ROCK2: variants seen among roughly 807,000 people sequenced by gnomAD.
The protein encoded by ROCK2 is Rho associated coiled-coil containing protein kinase 2.
In ROCK2, 61 loss-of-function variants were observed where a neutral mutation model predicts 195.1. That is an observed-to-expected ratio of 0.31 (90% confidence interval 0.25 to 0.39). The LOEUF (loss-of-function observed/expected upper bound fraction) is 0.39. Among genes scored for constraint, ROCK2 ranks in the 10% least tolerant of loss-of-function variants. ROCK2 has a pLI of 1.00. For missense variants in ROCK2, 1,109 were observed against 1,637.4 expected, an observed-to-expected ratio of 0.68 and a Z score of 5.57; for synonymous variants, 504 against 545.5, an observed-to-expected ratio of 0.92 and a Z score of 1.06.
chr2:11,334,653 G>A (rs891145369), intron 1 of ROCK2, among the ~76,000 whole-genome samples: 12 of 139,618 alleles, frequency 8.6e-5, no homozygotes, highest in African/African-American at 2.9e-4. Flanking sequence ...CATATATGAA[G>A]GCAATGCTTA....
At chr2:11,257,689 C>T (rs993328719) in intron 3 of ROCK2, among the ~76,000 whole-genome samples, 1 of 151,234 alleles carries the variant, frequency 6.6e-6, no homozygotes, top group Non-Finnish European at 1.5e-5. Flanking sequence ...GAGATGGCGG[C>T]CCATGGGAAG....
chr2:11,255,928 CAAAAAAA>C (rs57678031), intron 3 of ROCK2, among the ~76,000 whole-genome samples: 15 of 33,060 alleles, frequency 4.5e-4, no homozygotes, highest in East Asian at 9.4e-4. Context: ...GACTCCATCT[CAAAAAAA>C]AAAAAAAAAA....
chr2:11,298,176 C>T (rs1387784380), intron 1 of ROCK2, among the ~76,000 whole-genome samples: 2 of 151,982 alleles, frequency 1.3e-5, no homozygotes, highest in East Asian at 1.9e-4. Context: ...TTACTGACAA[C>T]ATAAAAATAG....
intron 27 of ROCK2, 78 bp from the exon 28 acceptor site, chr2:11,195,103 T>C: frequency 1.4e-6 from 1 of 722,366 alleles, no homozygotes. Flanking sequence ...AATTTTAATA[T>C]GAAATTTATA....
At chr2:11,219,355 A>AAT (rs1664545822) in intron 9 of ROCK2, among the ~76,000 whole-genome samples, 1 of 150,324 alleles carries the variant, frequency 6.7e-6, no homozygotes, top group East Asian at 1.9e-4. Context: ...AAAAAAAAAA[A>AAT]AAAAAATTAG....
chr2:11,194,645 C>A (rs2148033668), intron 28 of ROCK2, among the ~76,000 whole-genome samples: 1 of 152,052 alleles, frequency 6.6e-6, no homozygotes, highest in South Asian at 2.1e-4. Context: ...CATCAATAAT[C>A]ATAGTAACAG....
Position 11,222,119 on chromosome 2 carries a change from TAAAG to T in ROCK2, c.1059_1062del (p.Phe353LeufsTer11). 1.2e-6 allele frequency: 2 copies of T among 1,611,316 alleles called. No individual in the cohort carries two copies. Among genetic ancestry groups the T allele is most frequent in the Non-Finnish European group, 1.7e-6 (2 of 1,177,874 alleles). On this transcript the variant is annotated frameshift_variant, in exon 8 of 33. Coordinates refer to ENST00000315872, the MANE Select transcript of ROCK2 (RefSeq NM_004850.5). LOFTEE classifies it high-confidence loss of function. ...TTATCCCAATGCCACTGATCATTCT[TAAAG>T]AAAGGATGCTGTCTGATTTCTTCCA...
At chr2:11,270,990 T>C (rs1666607579) in intron 3 of ROCK2, among the ~76,000 whole-genome samples, 2 of 151,302 alleles carry the variant, frequency 1.3e-5, no homozygotes, top group African/African-American at 4.9e-5. Context: ...ATGTTTCCTA[T>C]AGTTTTAGGT....
chr2:11,238,843 G>A (rs957154576), intron 4 of ROCK2, among the ~76,000 whole-genome samples: 2 of 152,052 alleles, frequency 1.3e-5, no homozygotes, highest in African/African-American at 4.8e-5. Flanking sequence ...TGAGATATGA[G>A]TACTGGCATA....
At chr2:11,327,609 C>T (rs955570359) in intron 1 of ROCK2, among the ~76,000 whole-genome samples, 1 of 152,168 alleles carries the variant, frequency 6.6e-6, no homozygotes, top group African/African-American at 2.4e-5. Context: ...GTCACCCAGG[C>T]TAGAGTGCAA....
chr2:11,267,358 T>C lies in ROCK2; in HGVS notation c.325-17560A>G, dbSNP rs1221284198. ...GCCTGTGGTCACCACGATCTCTGAG[T>C]TAGAAAATGGAAGAGCTAGGATTCA... On this transcript the variant is annotated intron_variant, in intron 3 of 32. Coordinates refer to ENST00000315872, the MANE Select transcript of ROCK2 (RefSeq NM_004850.5). Among the ~76,000 whole-genome samples the C allele has an allele frequency of 2.6e-5, 4 of 152,210 alleles. No homozygotes were observed. The East Asian group carries it at 7.7e-4, about 29-fold the overall frequency.
At chr2:11,203,902 C>T (rs1480480693) in intron 20 of ROCK2, among the ~76,000 whole-genome samples, 1 of 152,200 alleles carries the variant, frequency 6.6e-6, no homozygotes, top group Non-Finnish European at 1.5e-5. Flanking sequence ...ATTTTAACAT[C>T]AGGACCTTCT....
intron 15 of ROCK2, 64 bp from the exon 16 acceptor site, chr2:11,215,150 C>T (rs1664382642): frequency 3.8e-6 from 6 of 1,571,558 alleles, no homozygotes; most frequent in Non-Finnish European, 5.2e-6. Flanking sequence ...GAAAATAAGT[C>T]AATGTATTCC....
chr2:11,322,384 CAT>C (rs1354953605), intron 1 of ROCK2, among the ~76,000 whole-genome samples: 1 of 151,074 alleles, frequency 6.6e-6, no homozygotes, highest in Non-Finnish European at 1.5e-5. Context: ...GTATTTTATA[CAT>C]ATATATTTTA....
chr2:11,226,621 A>C (rs1391493721), intron 6 of ROCK2, among the ~76,000 whole-genome samples: 2 of 152,074 alleles, frequency 1.3e-5, no homozygotes, highest in Admixed American at 1.3e-4. Flanking sequence ...GATCAAGAAA[A>C]TCTTAGAGGG....
intron 3 of ROCK2, among the ~76,000 whole-genome samples, chr2:11,282,483 A>G (rs1032810671): frequency 6.6e-6 from 1 of 152,194 alleles, no homozygotes; most frequent in Non-Finnish European, 1.5e-5. Flanking sequence ...AAATAGATCA[A>G]TGAAACAGAA....
intron 3 of ROCK2, among the ~76,000 whole-genome samples, chr2:11,258,387 T>C (rs1222801498): frequency 1.3e-5 from 2 of 151,558 alleles, no homozygotes; most frequent in African/African-American, 4.9e-5. Flanking sequence ...CAGTGGTCCT[T>C]TGTAAGCCAA....
chr2:11,239,275 T>C (rs532228461), intron 4 of ROCK2, among the ~76,000 whole-genome samples: 18 of 152,212 alleles, frequency 1.2e-4, no homozygotes, highest in African/African-American at 4.3e-4. Flanking sequence ...AATGAGAAGA[T>C]GAACCACAGG....
chr2:11,323,321 C>A (rs1010594769), intron 1 of ROCK2, among the ~76,000 whole-genome samples: 15 of 152,294 alleles, frequency 9.8e-5, no homozygotes, highest in African/African-American at 3.6e-4. Flanking sequence ...CCTCAGTTTC[C>A]CCTCTATTCT....
Sources: gnomAD v4.1 joint callset for allele counts (sites outside exome capture counted in the v4.1 genomes callset) on GRCh38, gnomAD v4.1.1 for gene constraint, MANE v1.5 for transcripts, NCBI Gene and HGNC (gene_info 2026-07-23, HGNC 2026-07-21) for gene names.